KIAA1217: variants seen among roughly 807,000 people sequenced by gnomAD.
The protein encoded by KIAA1217 is sickle tail protein homolog.
In KIAA1217, 88 loss-of-function variants were observed where a neutral mutation model predicts 163.9. That is an observed-to-expected ratio of 0.54 (90% CI 0.45 to 0.64). The LOEUF (loss-of-function observed/expected upper bound fraction) is 0.64. Ranked by LOEUF, KIAA1217 falls within the 30% of genes least tolerant of loss-of-function variation. The probability of loss-of-function intolerance (pLI) is 0.00; values close to 1 mark genes in which losing one functional copy is unlikely to be tolerated. For missense variants in KIAA1217, 2,372 were observed against 2,475.0 expected (o/e 0.96, Z 0.88); for synonymous variants, 903 against 923.1 (o/e 0.98, Z 0.39).
chr10:24,222,184 A>T (rs971601892), intron 2 of KIAA1217, among the ~76,000 whole-genome samples: 1 of 152,160 alleles, frequency 6.6e-6, no homozygotes, highest in Non-Finnish European at 1.5e-5. Flanking sequence ...GGAGTAATGA[A>T]TATATTTTGG....
chr10:23,963,116 T>G (rs78176642), intron 1 of KIAA1217, among the ~76,000 whole-genome samples: 4,415 of 152,264 alleles, frequency 0.029, 213 homozygotes, highest in African/African-American at 0.1. Context: ...GCTTAAGAGT[T>G]GAATTTTTTA....
intron 2 of KIAA1217, among the ~76,000 whole-genome samples, chr10:24,124,001 T>C (rs1440652414): frequency 5.9e-5 from 9 of 152,202 alleles, no homozygotes; most frequent in African/African-American, 1.9e-4. Flanking sequence ...CAATGACTTT[T>C]TCCTTACTTT....
At chr10:24,004,950 G>A (rs1272987580) in intron 1 of KIAA1217, among the ~76,000 whole-genome samples, 1 of 152,204 alleles carries the variant, frequency 6.6e-6, no homozygotes, top group Non-Finnish European at 1.5e-5. Flanking sequence ...AAGTGGGAAG[G>A]TTCGACAACA....
intron 2 of KIAA1217, among the ~76,000 whole-genome samples, chr10:24,350,810 G>C (rs1199663111): frequency 7.0e-6 from 1 of 143,480 alleles, no homozygotes; most frequent in East Asian, 2.1e-4. Flanking sequence ...TACACAGTGC[G>C]AGGAAGTGGT....
intron 1 of KIAA1217, among the ~76,000 whole-genome samples, chr10:23,779,937 T>C (rs899336816): frequency 1.3e-5 from 2 of 152,092 alleles, no homozygotes; most frequent in Non-Finnish European, 2.9e-5. Context: ...GCAGTACAGG[T>C]TTGTAGTCTA....
chr10:23,829,804 A>T (rs1838089000), intron 1 of KIAA1217, among the ~76,000 whole-genome samples: 1 of 152,202 alleles, frequency 6.6e-6, no homozygotes, highest in African/African-American at 2.4e-5. Context: ...TGCCTTGCAT[A>T]GTTGTTAGGC....
At chr10:24,078,615 C>T (rs1015599617) in intron 2 of KIAA1217, among the ~76,000 whole-genome samples, 1 of 152,184 alleles carries the variant, frequency 6.6e-6, no homozygotes, top group East Asian at 1.9e-4. Flanking sequence ...CTTGTGTCTT[C>T]TCTTATACAA....
At chr10:23,896,954 C>A (rs1011702436) in intron 1 of KIAA1217, among the ~76,000 whole-genome samples, 2 of 151,998 alleles carry the variant, frequency 1.3e-5, no homozygotes, top group African/African-American at 2.4e-5. Context: ...GAGATATTGG[C>A]TGGCTTCTCT....
At chr10:23,807,747 G>A (rs147465487) in intron 1 of KIAA1217, among the ~76,000 whole-genome samples, 2 of 152,282 alleles carry the variant, frequency 1.3e-5, no homozygotes, top group African/African-American at 4.8e-5. Context: ...AATCAAGAAT[G>A]GAAGGCCTCA....
intron 2 of KIAA1217, among the ~76,000 whole-genome samples, chr10:24,157,442 T>A (rs116922479): frequency 6.6e-6 from 1 of 152,360 alleles, no homozygotes; most frequent in East Asian, 1.9e-4. Flanking sequence ...AGTCTCTGGC[T>A]TGTCTTCTTG....
chr10:24,365,825 C>CTT (rs1217855512), intron 2 of KIAA1217, among the ~76,000 whole-genome samples: 1 of 152,024 alleles, frequency 6.6e-6, no homozygotes, highest in Non-Finnish European at 1.5e-5. Flanking sequence ...TTCAAGTGTT[C>CTT]TTTTTCTTCT....
At chr10:24,337,976 C>T (rs910875025) in intron 2 of KIAA1217, among the ~76,000 whole-genome samples, 2 of 152,142 alleles carry the variant, frequency 1.3e-5, no homozygotes, top group Non-Finnish European at 2.9e-5. Context: ...TTCTCCTAGT[C>T]ATTTTGCCAG....
chr10:24,407,302 G>A (rs887628961), intron 3 of KIAA1217, among the ~76,000 whole-genome samples: 35 of 152,008 alleles, frequency 2.3e-4, no homozygotes, highest in Admixed American at 4.6e-4. Context: ...GTGTGCGTGC[G>A]CGTGCGCATG....
chr10:23,964,638 C>A (rs193236281), intron 1 of KIAA1217, among the ~76,000 whole-genome samples: 1 of 152,064 alleles, frequency 6.6e-6, no homozygotes, highest in Non-Finnish European at 1.5e-5. Flanking sequence ...TCACTGCAAC[C>A]GCCACCTCCC....
Position 24,494,560 on chromosome 10 carries a change from G to T in KIAA1217, c.1740G>T (p.Ala580=). ...GTTTAACTGGCCTTGTTCAGTCTGC[G>T]CTTTTTAAAGGGCCCATTACAAGTT... ...IASLTGLVQS[A]LFKGPITSYS... is the part of the protein sequence containing the mutation. Residue 580 remains alanine (A), a synonymous_variant, in exon 7 of 21, where the codon GCG becomes GCT. Coordinates refer to ENST00000376454, the MANE Select transcript of KIAA1217 (RefSeq NM_019590.5). 1.9e-6 allele frequency: 3 copies of T among 1,613,910 alleles called. No homozygotes were observed. Among genetic ancestry groups the T allele is most frequent in the Non-Finnish European group, 2.5e-6 (3 of 1,179,870 alleles).
At chr10:24,301,514 G>A (rs575498708) in intron 2 of KIAA1217, among the ~76,000 whole-genome samples, 21 of 152,130 alleles carry the variant, frequency 1.4e-4, no homozygotes, top group East Asian at 3.9e-4. Flanking sequence ...AGGGCCCCAC[G>A]CACCTTCTAA....
At chr10:24,338,287 T>A (rs1401057357) in intron 2 of KIAA1217, among the ~76,000 whole-genome samples, 4 of 152,180 alleles carry the variant, frequency 2.6e-5, no homozygotes, top group African/African-American at 9.7e-5. Flanking sequence ...CATACATATA[T>A]CTATGCAGGT....
intron 3 of KIAA1217, among the ~76,000 whole-genome samples, chr10:24,422,190 G>C (rs867381523): frequency 1.3e-5 from 2 of 152,126 alleles, no homozygotes; most frequent in African/African-American, 4.8e-5. Flanking sequence ...CCATGATTCA[G>C]TTACCTCCCA....
Position 23,704,335 on chromosome 10 carries a change from G to A in KIAA1217, c.-321+9101G>A, listed in dbSNP as rs554496339. ...ATAGTGTACAATTCATCCATTTAAA[G>A]AGTATAGTTGCATTTTTAAAAACAA... On this transcript the variant is annotated intron_variant, in intron 1 of 18. Coordinates refer to the KIAA1217 transcript ENST00000376462. Among the ~76,000 whole-genome samples, 5 of 150,232 alleles carry A rather than the reference G, an allele frequency of 3.3e-5. No individual in the cohort carries two copies. In the South Asian group the frequency reaches 1.1e-3, roughly 32 times the overall value.
Sources: allele counts gnomAD v4.1 joint callset (sites outside exome capture counted in the v4.1 genomes callset), GRCh38; gene constraint gnomAD v4.1.1; transcripts MANE v1.5; gene names NCBI Gene and HGNC (gene_info 2026-07-23, HGNC 2026-07-21).